The following KLHL2 variants were observed in gnomAD, a reference collection of about 807,000 sequenced individuals.
The protein encoded by KLHL2 is kelch-like protein 2.
Under a neutral mutation model 75.8 loss-of-function variants are expected in KLHL2, and 15 were observed. The observed-to-expected ratio is 0.20, with a 90% CI of 0.13 to 0.30. The LOEUF is 0.30. Ranked by LOEUF, KLHL2 falls within the 10% of genes least tolerant of loss-of-function variation. KLHL2 has a pLI of 1.00. For synonymous variants in KLHL2, 214 were observed against 251.9 expected, an observed-to-expected ratio of 0.85 and a Z score of 1.42; for missense variants, 381 against 741.0, an observed-to-expected ratio of 0.51 and a Z score of 5.64.
intron 5 of KLHL2, among the ~76,000 whole-genome samples, chr4:165,284,575 A>G (rs1434664837): frequency 6.6e-6 from 1 of 152,220 alleles, no homozygotes; most frequent in Non-Finnish European, 1.5e-5. Context: ...AAGCCATTCA[A>G]CAAATCTCTA....
At chr4:165,250,159 A>G (rs1203856757) in intron 4 of KLHL2, among the ~76,000 whole-genome samples, 1 of 152,016 alleles carries the variant, frequency 6.6e-6, no homozygotes, top group Admixed American at 6.5e-5. Flanking sequence ...GACAGAGACT[A>G]TCACTATATA....
At chr4:165,210,260 T>C (rs1378702593) in intron 1 of KLHL2, 1 of 1,355,416 alleles carries the variant, frequency 7.4e-7, no homozygotes, top group African/African-American at 1.4e-5. Flanking sequence ...GTGGTGCTTT[T>C]GCTTGTGTTC....
At chr4:165,248,510 A>G (rs1315510543) in intron 4 of KLHL2, among the ~76,000 whole-genome samples, 3 of 152,210 alleles carry the variant, frequency 2.0e-5, no homozygotes, top group African/African-American at 4.8e-5. Flanking sequence ...CGTGCTTCCA[A>G]GGAGCGGGGG....
chr4:165,309,934 G>T (rs1746019399), intron 9 of KLHL2, among the ~76,000 whole-genome samples: 1 of 152,056 alleles, frequency 6.6e-6, no homozygotes. Flanking sequence ...GTGAGTACAG[G>T]TTCAAGTAGT....
In KLHL2 at chr4:165,207,647, G is replaced by A; in HGVS notation, c.-230G>A. The A allele has an allele frequency of 6.5e-6, 1 of 152,932 alleles. No homozygotes were observed. The highest frequency in any genetic ancestry group is 1.4e-5 in the Non-Finnish European group (1 of 70,062). 9.5% of individuals were successfully genotyped at this position (152,932 alleles called of 1,614,324 possible). A position where few individuals can be genotyped will look rare whatever the true frequency, so the allele number is the denominator to read the frequency against. On this transcript the variant is annotated 5_prime_UTR_variant, in exon 1 of 15. Coordinates refer to ENST00000226725, the MANE Select transcript of KLHL2 (RefSeq NM_007246.4). The surrounding 1 kb of genome is among the most constrained non-coding windows in gnomAD (Gnocchi z 4.2). ...CCGCCGGTCCCGTCGCCGCCGCCCC[G>A]CACTCGGGCGAGCGCGGGAGCCGCG...
intron 4 of KLHL2, among the ~76,000 whole-genome samples, chr4:165,240,827 C>T (rs1299846350): frequency 1.3e-5 from 2 of 152,116 alleles, no homozygotes; most frequent in African/African-American, 2.4e-5. Flanking sequence ...CTCATTTAGG[C>T]CTTAGAGACT....
intron 10 of KLHL2, 103 bp downstream of exon 10, chr4:165,310,853 G>GTA: frequency 2.8e-6 from 2 of 725,304 alleles, no homozygotes; most frequent in Non-Finnish European, 4.3e-6. Flanking sequence ...GAGGTTTTTT[G>GTA]TGTTTTTTTT....
At chr4:165,303,329 A>T (rs1446505240) in intron 8 of KLHL2, among the ~76,000 whole-genome samples, 6 of 152,044 alleles carry the variant, frequency 3.9e-5, no homozygotes, top group African/African-American at 4.8e-5. Flanking sequence ...CAAAAAATTT[A>T]AAAAATGTTC....
chr4:165,299,672 C>A lies in KLHL2; in HGVS notation c.921+16C>A. ...CCTTCCCAAAGTAGGATCTGTTTCTCATGCTTGTTATTACCTCATGCAAAA... is the reference window on the plus strand; with the variant it reads ...CCTTCCCAAAGTAGGATCTGTTTCTAATGCTTGTTATTACCTCATGCAAAA... On this transcript the variant is annotated intron_variant, in intron 8 of 14. Coordinates refer to ENST00000226725, the MANE Select transcript of KLHL2 (RefSeq NM_007246.4). The A allele has an allele frequency of 1.3e-6, 2 of 1,585,340 alleles. No individual in the cohort carries two copies. The highest frequency in any genetic ancestry group is 1.9e-5 in the Admixed American group (1 of 53,580).
rs1479081230 is a variant in KLHL2, at chr4:165,289,517, T to TG, written c.545-4842_545-4841insG. ...GGCTAATTTTTGGTTTGGTTTTTTT[T>TG]TTTTTTTTTTTTTGGTAAGTGGTGA... On this transcript the variant is annotated intron_variant, in intron 5 of 14. Coordinates refer to ENST00000226725, the MANE Select transcript of KLHL2 (RefSeq NM_007246.4). Among the ~76,000 whole-genome samples, 48 of 147,992 alleles carry TG rather than the reference T, an allele frequency of 3.2e-4. No homozygotes were observed. The East Asian group carries it at 9.2e-3, about 28-fold the overall frequency.
In KLHL2 at chr4:165,207,930, C is replaced by T. The variant is rs1376420562; in HGVS notation, c.26+28C>T. ...GAGTGAGCGGGCGGGCGGGCTGCGC[C>T]GCTGCGGATAAGCGCGCCGCTGCGG... On this transcript the variant is annotated intron_variant, in intron 1 of 14. Transcript: ENST00000226725. This position sits in a 1 kb window ranked among gnomAD's most constrained non-coding sequence, Gnocchi z 4.2. The T allele has an allele frequency of 5.0e-6, 7 of 1,392,902 alleles. No individual in the cohort carries two copies. Among genetic ancestry groups the T allele is most frequent in the Non-Finnish European group, 6.6e-6 (7 of 1,065,418 alleles). 86.3% of individuals were successfully genotyped at this position (1,392,902 alleles called of 1,614,324 possible).
chr4:165,296,171 A>G (rs376046863), intron 6 of KLHL2, among the ~76,000 whole-genome samples: 3 of 152,192 alleles, frequency 2.0e-5, no homozygotes, highest in South Asian at 4.1e-4. Flanking sequence ...CTGGAGCCAT[A>G]GATCTGGAGC....
At chr4:165,308,488 C>T (rs966520955) in intron 9 of KLHL2, among the ~76,000 whole-genome samples, 3 of 152,192 alleles carry the variant, frequency 2.0e-5, no homozygotes, top group Admixed American at 6.5e-5. Context: ...TGTAATTAAA[C>T]TTCTGGGCAC....
intron 4 of KLHL2, among the ~76,000 whole-genome samples, chr4:165,262,726 G>A (rs914293796): frequency 2.0e-5 from 3 of 151,890 alleles, no homozygotes; most frequent in Non-Finnish European, 2.9e-5. Context: ...CTACAGTTGC[G>A]TGCCACCACA....
chr4:165,284,139 G>T (rs373233540), intron 5 of KLHL2, among the ~76,000 whole-genome samples: 7 of 152,310 alleles, frequency 4.6e-5, no homozygotes, highest in African/African-American at 7.2e-5. Flanking sequence ...TCTCTGACAT[G>T]CCCTGGAGAC....
chr4:165,305,507 C>A (rs907602874), intron 8 of KLHL2, 101 bp from the exon 9 acceptor site: 3 of 942,916 alleles, frequency 3.2e-6, no homozygotes, highest in Non-Finnish European at 5.1e-6. Context: ...ACCCTATCAT[C>A]TTCATCCTAA....
chr4:165,246,674 G>A (rs1186166969), intron 4 of KLHL2, among the ~76,000 whole-genome samples: 1 of 152,196 alleles, frequency 6.6e-6, no homozygotes, highest in Non-Finnish European at 1.5e-5. Context: ...GTGGATTATA[G>A]TGCTGTTGTC....
chr4:165,215,035 T>C (rs1737445241), intron 1 of KLHL2, among the ~76,000 whole-genome samples: 1 of 152,184 alleles, frequency 6.6e-6, no homozygotes, highest in African/African-American at 2.4e-5. Flanking sequence ...ATGTTAACAT[T>C]TTTAAAAAGC....
intron 1 of KLHL2, among the ~76,000 whole-genome samples, chr4:165,216,765 T>C (rs1418137275): frequency 6.6e-6 from 1 of 152,322 alleles, no homozygotes; most frequent in East Asian, 1.9e-4. Flanking sequence ...GGCATTCGTT[T>C]TGAAAATGGA....
Sources: allele counts gnomAD v4.1 joint callset (sites outside exome capture counted in the v4.1 genomes callset), GRCh38; gene constraint gnomAD v4.1.1; non-coding constraint Gnocchi (gnomAD v3.1); transcripts MANE v1.5; gene names NCBI Gene and HGNC (gene_info 2026-07-23, HGNC 2026-07-21).